NUSAP1: variants seen among roughly 807,000 people sequenced by gnomAD.
The protein encoded by NUSAP1 is nucleolar and spindle associated protein 1.
A neutral mutation model predicts 52.8 loss-of-function variants in NUSAP1; 32 were observed. That is an observed-to-expected ratio of 0.61 (90% CI 0.46 to 0.81). The LOEUF (loss-of-function observed/expected upper bound fraction) is 0.81, where lower values mean the gene tolerates loss of function less well. NUSAP1 is among the 40% of genes least tolerant of loss of function. NUSAP1 has a pLI of 0.00. For synonymous variants in NUSAP1, 195 were observed against 183.1 expected (o/e 1.06, Z -0.52); for missense variants, 499 against 522.3 (o/e 0.96, Z 0.43).
intron 1 of NUSAP1, among the ~76,000 whole-genome samples, chr15:41,338,989 G>A (rs920843996): frequency 1.3e-5 from 2 of 151,800 alleles, no homozygotes; most frequent in African/African-American, 4.8e-5. Flanking sequence ...AACTTAGAAC[G>A]TGTCTTTCTG....
At chr15:41,368,084 G>A (rs1043441118) in intron 7 of NUSAP1, among the ~76,000 whole-genome samples, 1 of 152,126 alleles carries the variant, frequency 6.6e-6, no homozygotes, top group Non-Finnish European at 1.5e-5. Context: ...AATCTTAGCT[G>A]TTTATTTGTT....
intron 10 of NUSAP1, 128 bp from the exon 11 acceptor site, chr15:41,379,963 AAG>A (rs2050143987): frequency 1.4e-5 from 9 of 633,948 alleles, no homozygotes; most frequent in Non-Finnish European, 2.2e-5. Flanking sequence ...AGTGCCCTCT[AAG>A]AGTCTGTTTT....
At chr15:41,352,523 G>A (rs1369058834) in intron 4 of NUSAP1, among the ~76,000 whole-genome samples, 1 of 152,128 alleles carries the variant, frequency 6.6e-6, no homozygotes, top group East Asian at 1.9e-4. Flanking sequence ...CCTTGGGTCT[G>A]AGATGGGCTT....
At chr15:41,354,302 C>T (rs531439391) in intron 4 of NUSAP1, among the ~76,000 whole-genome samples, 159 of 152,100 alleles carry the variant, frequency 1.0e-3, no homozygotes, top group Non-Finnish European at 2.0e-3. Flanking sequence ...AGGTCAGGAT[C>T]GAGACCAGCC....
At chr15:41,367,182 A>G (rs1470578800) in intron 7 of NUSAP1, among the ~76,000 whole-genome samples, 2 of 152,170 alleles carry the variant, frequency 1.3e-5, no homozygotes, top group African/African-American at 4.8e-5. Context: ...GGCCCTTACT[A>G]GGAGTACAGG....
At chr15:41,372,015 G>C (rs1050705610) in intron 8 of NUSAP1, among the ~76,000 whole-genome samples, 4 of 152,178 alleles carry the variant, frequency 2.6e-5, no homozygotes, top group Middle Eastern at 3.4e-3. Flanking sequence ...TGATCCGCCC[G>C]CCTCGGCCTA....
chr15:41,334,226 C>T (rs1328435767), intron 1 of NUSAP1, among the ~76,000 whole-genome samples: 4 of 152,302 alleles, frequency 2.6e-5, no homozygotes, highest in African/African-American at 9.6e-5. Flanking sequence ...TCAAGCGATT[C>T]TCCTGCCTCA....
At chr15:41,342,177 C>T (rs1183335302) in intron 1 of NUSAP1, among the ~76,000 whole-genome samples, 3 of 152,190 alleles carry the variant, frequency 2.0e-5, no homozygotes, top group Non-Finnish European at 2.9e-5. Context: ...GCATTTACCC[C>T]ACTGTATTGC....
intron 2 of NUSAP1, among the ~76,000 whole-genome samples, chr15:41,346,148 C>A (rs2048558729): frequency 6.6e-6 from 1 of 151,460 alleles, no homozygotes; most frequent in African/African-American, 2.4e-5. Context: ...ACCATGTTGG[C>A]CAGACTGGTC....
At chr15:41,374,494 G>C (rs2140853043) in intron 8 of NUSAP1, among the ~76,000 whole-genome samples, 1 of 152,222 alleles carries the variant, frequency 6.6e-6, no homozygotes, top group South Asian at 2.1e-4. Flanking sequence ...ATTTCAATAT[G>C]AATTTGGGAT....
chr15:41,360,234 A>T (rs1467731996), intron 6 of NUSAP1, among the ~76,000 whole-genome samples: 5 of 151,650 alleles, frequency 3.3e-5, no homozygotes, highest in Admixed American at 2.6e-4. Flanking sequence ...CACCTCCTGG[A>T]TTCAAGTGAT....
chr15:41,342,296 A>G (rs1567042022), intron 1 of NUSAP1, 90 bp from the exon 2 acceptor site: 2 of 840,608 alleles, frequency 2.4e-6, no homozygotes, highest in East Asian at 2.7e-5. Context: ...ACCAGAGTAC[A>G]TTTAATGAAT....
intron 4 of NUSAP1, among the ~76,000 whole-genome samples, chr15:41,355,656 GT>G (rs11311592): frequency 0.37 from 55,180 of 147,324 alleles, 11,029 homozygotes; most frequent in African/African-American, 0.55. Context: ...ACTTACACAC[GT>G]TTTTTTTTTT....
chr15:41,357,948 G>A (rs2049031394), intron 5 of NUSAP1, among the ~76,000 whole-genome samples: 2 of 152,188 alleles, frequency 1.3e-5, no homozygotes. Flanking sequence ...GATGGTGAAT[G>A]TTTGATAGTT....
chr15:41,377,651 A>C (rs1423025546), intron 10 of NUSAP1, among the ~76,000 whole-genome samples: 3 of 148,014 alleles, frequency 2.0e-5, no homozygotes, highest in African/African-American at 7.6e-5. Context: ...GTGAGCCGAG[A>C]TCGCGCCACT....
intron 2 of NUSAP1, among the ~76,000 whole-genome samples, chr15:41,348,249 T>C (rs1000345897): frequency 6.6e-6 from 1 of 152,240 alleles, no homozygotes; most frequent in African/African-American, 2.4e-5. Flanking sequence ...TGGCTAATTT[T>C]TGTATTTTTA....
intron 4 of NUSAP1, among the ~76,000 whole-genome samples, chr15:41,353,819 C>A (rs1255783154): frequency 6.6e-6 from 1 of 152,126 alleles, no homozygotes. Flanking sequence ...CTATTCTCAA[C>A]GTCCTCCACT....
At chr15:41,366,279 T>C (rs919589693) in intron 7 of NUSAP1, among the ~76,000 whole-genome samples, 7 of 145,650 alleles carry the variant, frequency 4.8e-5, no homozygotes, top group African/African-American at 1.6e-4. Flanking sequence ...CCTTTCTTTT[T>C]TTTTCTTTTT....
At chr15:41,378,244 G>A (rs995109292) in intron 10 of NUSAP1, among the ~76,000 whole-genome samples, 3 of 152,116 alleles carry the variant, frequency 2.0e-5, no homozygotes, top group Non-Finnish European at 2.9e-5. Flanking sequence ...TACATATCCA[G>A]ATAGACATAA....
Sources: gnomAD v4.1 joint callset for allele counts (sites outside exome capture counted in the v4.1 genomes callset) on GRCh38, gnomAD v4.1.1 for gene constraint, MANE v1.5 for transcripts, NCBI Gene and HGNC (gene_info 2026-07-23, HGNC 2026-07-21) for gene names.